The following WDPCP variants were observed in gnomAD, a reference collection of about 807,000 sequenced individuals.
WDPCP encodes WD repeat-containing and planar cell polarity effector protein fritz homolog.
Under a neutral mutation model 93.1 loss-of-function variants are expected in WDPCP, and 71 were observed. The ratio of observed to expected loss-of-function variants is 0.76; its 90% CI spans 0.63 to 0.93. The LOEUF is 0.93. WDPCP is among the 40% of genes least tolerant of loss of function. The pLI, the probability that WDPCP is intolerant of heterozygous loss-of-function variation, is 0.00. For synonymous variants in WDPCP, 315 were observed against 315.0 expected, an observed-to-expected ratio of 1.00 and a Z score of 0.00; for missense variants, 844 against 887.4, an observed-to-expected ratio of 0.95 and a Z score of 0.62.
chr2:63,274,209 A>T (rs1438511662), intron 13 of WDPCP, among the ~76,000 whole-genome samples: 1 of 152,198 alleles, frequency 6.6e-6, no homozygotes, highest in Non-Finnish European at 1.5e-5. Context: ...TGGAAAATGT[A>T]CAAATACAGG....
intron 13 of WDPCP, among the ~76,000 whole-genome samples, chr2:63,297,754 C>T (rs1488302057): frequency 1.3e-5 from 2 of 151,902 alleles, no homozygotes; most frequent in East Asian, 1.9e-4. Flanking sequence ...ATTTAGGACC[C>T]GCATGGCCTA....
intron 2 of WDPCP, among the ~76,000 whole-genome samples, chr2:63,715,369 G>A (rs1414865120): frequency 6.6e-6 from 1 of 152,192 alleles, no homozygotes; most frequent in Non-Finnish European, 1.5e-5. Flanking sequence ...ATGCAACTCA[G>A]AATACCCTTT....
intron 2 of WDPCP, among the ~76,000 whole-genome samples, chr2:63,765,351 G>A (rs953960202): frequency 5.9e-5 from 9 of 152,174 alleles, no homozygotes; most frequent in African/African-American, 2.2e-4. Context: ...TGGAGTTTGA[G>A]GCCAGCGGGC....
chr2:63,575,452 A>G lies in WDPCP; in HGVS notation c.75+12745T>C, dbSNP rs1317152188. Among the ~76,000 whole-genome samples, 2 of 42,388 alleles carry G rather than the reference A, an allele frequency of 4.7e-5. 1 individual carries two copies. Among genetic ancestry groups the G allele is most frequent in the African/African-American group, 3.1e-4 (2 of 6,386 alleles). 27.8% of individuals were successfully genotyped at this position (42,388 alleles called of 152,430 possible). A position where few individuals can be genotyped will look rare whatever the true frequency, so the allele number is the denominator to read the frequency against. ...AGTGTATATACAGTGTATACACTGT[A>G]TATACAGTATATATGCAGTATATAC... On this transcript the variant is annotated intron_variant, in intron 1 of 17. Coordinates refer to ENST00000272321, the MANE Select transcript of WDPCP (RefSeq NM_015910.7).
chr2:63,345,281 A>G (rs1001898058), intron 12 of WDPCP, among the ~76,000 whole-genome samples: 1 of 152,154 alleles, frequency 6.6e-6, no homozygotes, highest in Non-Finnish European at 1.5e-5. Context: ...CTCCTAGGCA[A>G]TGGGTGATTA....
intron 2 of WDPCP, among the ~76,000 whole-genome samples, chr2:63,743,991 A>G (rs993072869): frequency 6.6e-6 from 1 of 152,134 alleles, no homozygotes; most frequent in African/African-American, 2.4e-5. Flanking sequence ...CATGTTCTAA[A>G]AAGAAATTAT....
chr2:63,425,550 C>A (rs867074746), intron 9 of WDPCP, among the ~76,000 whole-genome samples: 5 of 152,242 alleles, frequency 3.3e-5, no homozygotes, highest in South Asian at 4.1e-4. Context: ...ACTTCTGAAA[C>A]TGAAAAATTC....
chr2:63,546,271 T>C (rs749739402), intron 1 of WDPCP, among the ~76,000 whole-genome samples: 13 of 152,130 alleles, frequency 8.5e-5, no homozygotes, highest in South Asian at 8.3e-4. Flanking sequence ...TATGTGGAAA[T>C]AGATAACTCA....
At chr2:63,292,096 G>A (rs1490874651) in intron 13 of WDPCP, among the ~76,000 whole-genome samples, 2 of 135,576 alleles carry the variant, frequency 1.5e-5, no homozygotes, top group African/African-American at 2.8e-5. Context: ...TCGCGCCACT[G>A]CACTCCAGCC....
At chr2:63,784,730 T>C (rs911243426) in intron 2 of WDPCP, among the ~76,000 whole-genome samples, 6 of 152,138 alleles carry the variant, frequency 3.9e-5, no homozygotes, top group African/African-American at 1.4e-4. Flanking sequence ...TGTTTTAAGA[T>C]GATTATATTC....
In WDPCP at chr2:63,533,444, AC is replaced by A. The variant is rs915016908; in HGVS notation, c.76-40505del. Among the ~76,000 whole-genome samples, 218 of 152,234 alleles carry A rather than the reference AC, an allele frequency of 1.4e-3. 1 individual carries two copies. Among genetic ancestry groups the A allele is most frequent in the African/African-American group, 4.8e-3 (200 of 41,550 alleles). ...TCACATCACACTTATTCCAAAATTG[AC>A]CCACATAGTTGGAAGTAAAGCACTC... On this transcript the variant is annotated intron_variant, in intron 1 of 17. Transcript: ENST00000272321.
chr2:63,677,140 A>T (rs262530), intron 2 of WDPCP, among the ~76,000 whole-genome samples: 123,845 of 152,204 alleles, frequency 0.81, 50,980 homozygotes, highest in East Asian at 0.98. Context: ...CTAATGTGCA[A>T]CCAGTATTGA....
At chr2:63,656,805 G>A (rs1021916216) in intron 2 of WDPCP, among the ~76,000 whole-genome samples, 4 of 152,210 alleles carry the variant, frequency 2.6e-5, no homozygotes, top group Admixed American at 2.6e-4. Flanking sequence ...AGGTAGTAAA[G>A]TTCAATGAAG....
intron 2 of WDPCP, among the ~76,000 whole-genome samples, chr2:63,706,199 G>C (rs193258042): frequency 6.6e-6 from 1 of 152,090 alleles, no homozygotes; most frequent in African/African-American, 2.4e-5. Context: ...GTCTCTGCAC[G>C]TGAGATGGGT....
chr2:63,466,969 G>A (rs1390999726), intron 6 of WDPCP, among the ~76,000 whole-genome samples: 2 of 152,124 alleles, frequency 1.3e-5, no homozygotes, highest in African/African-American at 2.4e-5. Context: ...TTTATGAAGA[G>A]AACAGGAAGA....
At chr2:63,712,162 G>C (rs1169385342) in intron 2 of WDPCP, among the ~76,000 whole-genome samples, 2 of 152,152 alleles carry the variant, frequency 1.3e-5, no homozygotes, top group Non-Finnish European at 1.5e-5. Context: ...CCAAAAACTT[G>C]TTCTATGCTC....
intron 2 of WDPCP, among the ~76,000 whole-genome samples, chr2:63,688,490 A>C (rs959965171): frequency 9.3e-5 from 12 of 128,548 alleles, no homozygotes; most frequent in African/African-American, 3.5e-4. Context: ...CAGTTACCAG[A>C]GGCTAGGAAG....
At chr2:63,702,626 C>A (rs571229336) in intron 2 of WDPCP, among the ~76,000 whole-genome samples, 2 of 151,532 alleles carry the variant, frequency 1.3e-5, no homozygotes, top group South Asian at 4.2e-4. Context: ...GCAAGCTACG[C>A]CTCCGGGGTT....
At chr2:63,405,586 T>TGTGTGTGTGTGTGTGTGTG (rs1491184912) in intron 9 of WDPCP, among the ~76,000 whole-genome samples, 3 of 98,944 alleles carry the variant, frequency 3.0e-5, no homozygotes, top group African/African-American at 1.1e-4. Context: ...TGTGTGTGTG[T>TGTGTGTGTGTGTGTGTGTG]TGGCGGGGGT....
Sources: gnomAD v4.1 joint callset for allele counts (sites outside exome capture counted in the v4.1 genomes callset) on GRCh38, gnomAD v4.1.1 for gene constraint, MANE v1.5 for transcripts, NCBI Gene and HGNC (gene_info 2026-07-23, HGNC 2026-07-21) for gene names.